PLXDC2: variants seen among roughly 807,000 people sequenced by gnomAD.
The protein encoded by PLXDC2 is plexin domain containing 2.
Under a neutral mutation model 68.9 loss-of-function variants are expected in PLXDC2, and 40 were observed. That is an observed-to-expected ratio of 0.58 (90% CI 0.45 to 0.76). The LOEUF is 0.76. Among genes scored for constraint, PLXDC2 ranks in the 30% least tolerant of loss-of-function variants. PLXDC2 has a pLI of 0.00. For synonymous variants in PLXDC2, 243 were observed against 234.2 expected (o/e 1.04, Z -0.34); for missense variants, 644 against 661.9 (o/e 0.97, Z 0.30).
rs567783600 is a variant in PLXDC2, at chr10:20,143,816, T to C, written c.664+399T>C. 1.3e-4 allele frequency among the ~76,000 whole-genome samples: 20 copies of C among 152,258 alleles called. No homozygotes were observed. The South Asian group carries it at 3.3e-3, about 25-fold the overall frequency. ...ATTGACATTAAATTTCCAAAACTTATGACTTGTATGTATCAATAAGATGAA... is the reference window on the plus strand; with the variant it reads ...ATTGACATTAAATTTCCAAAACTTACGACTTGTATGTATCAATAAGATGAA... On this transcript the variant is annotated intron_variant, in intron 5 of 13. Coordinates refer to ENST00000377252, the MANE Select transcript of PLXDC2 (RefSeq NM_032812.9).
chr10:20,125,932 A>C (rs1833767564), intron 4 of PLXDC2, among the ~76,000 whole-genome samples: 1 of 26,042 alleles, frequency 3.8e-5, no homozygotes, highest in African/African-American at 1.7e-4. Flanking sequence ...AGAGAAATGA[A>C]CATATATATA....
intron 13 of PLXDC2, among the ~76,000 whole-genome samples, chr10:20,245,734 C>G (rs931748177): frequency 2.0e-5 from 3 of 152,186 alleles, no homozygotes; most frequent in African/African-American, 4.8e-5. Flanking sequence ...AAGACATAAA[C>G]TATCTTGTCT....
intron 13 of PLXDC2, among the ~76,000 whole-genome samples, chr10:20,260,109 G>C (rs955487476): frequency 1.3e-5 from 2 of 151,870 alleles, no homozygotes; most frequent in Admixed American, 1.3e-4. Flanking sequence ...TGACATTTTT[G>C]ATATACATAT....
intron 13 of PLXDC2, among the ~76,000 whole-genome samples, chr10:20,265,676 A>G (rs2119372157): frequency 6.6e-6 from 1 of 152,328 alleles, no homozygotes; most frequent in East Asian, 1.9e-4. Flanking sequence ...CATGTAAGTC[A>G]TTAAAAAGAT....
chr10:19,863,670 C>T (rs919375297), intron 1 of PLXDC2, among the ~76,000 whole-genome samples: 1 of 152,154 alleles, frequency 6.6e-6, no homozygotes, highest in African/African-American at 2.4e-5. Flanking sequence ...AATTTCATAT[C>T]ATTTTAATAT....
chr10:19,966,102 A>T (rs1834243607), intron 1 of PLXDC2, among the ~76,000 whole-genome samples: 1 of 151,332 alleles, frequency 6.6e-6, no homozygotes, highest in Admixed American at 6.6e-5. Context: ...TAAAAAACAC[A>T]CAGTAAAGTC....
chr10:19,955,455 A>G lies in PLXDC2; in HGVS notation c.113-46320A>G, dbSNP rs151199393. ...TTCATCACCTTTCTACATGGCACCC[A>G]TATTCTCTAACCAGTGCTATCCAAG... is the stretch of plus-strand genomic sequence containing the variant. On this transcript the variant is annotated intron_variant, in intron 1 of 13. Transcript: ENST00000377252. Among the ~76,000 whole-genome samples, 423 of 152,098 alleles carry G rather than the reference A, an allele frequency of 2.8e-3. 5 individuals are homozygous for G. Among genetic ancestry groups the G allele is most frequent in the South Asian group, 5.2e-3 (25 of 4,814 alleles).
At chr10:20,003,319 G>A (rs776827361) in intron 2 of PLXDC2, among the ~76,000 whole-genome samples, 6 of 152,180 alleles carry the variant, frequency 3.9e-5, no homozygotes, top group Non-Finnish European at 8.8e-5. Context: ...GAGATATAAA[G>A]GCAGCTCAGG....
chr10:19,949,258 C>G (rs1833956996), intron 1 of PLXDC2, among the ~76,000 whole-genome samples: 1 of 151,384 alleles, frequency 6.6e-6, no homozygotes, highest in Admixed American at 6.6e-5. Context: ...ACAAAGCATT[C>G]TACACATCAA....
chr10:19,979,708 G>C (rs901430699), intron 1 of PLXDC2, among the ~76,000 whole-genome samples: 13 of 152,220 alleles, frequency 8.5e-5, no homozygotes, highest in African/African-American at 2.9e-4. Flanking sequence ...GAGTTGTTTG[G>C]GGTTTTGTTT....
At chr10:20,088,345 A>C (rs745741119) in intron 4 of PLXDC2, among the ~76,000 whole-genome samples, 2 of 152,200 alleles carry the variant, frequency 1.3e-5, no homozygotes, top group Non-Finnish European at 2.9e-5. Flanking sequence ...CCTTGCAATT[A>C]AGAGGAAAGC....
intron 12 of PLXDC2, among the ~76,000 whole-genome samples, chr10:20,233,992 T>TC (rs999749533): frequency 4.6e-5 from 7 of 151,030 alleles, no homozygotes; most frequent in African/African-American, 1.7e-4. Flanking sequence ...ACCTACTTTT[T>TC]TTTTTTTTAT....
intron 9 of PLXDC2, among the ~76,000 whole-genome samples, chr10:20,185,871 G>C (rs1415772133): frequency 6.6e-6 from 1 of 151,880 alleles, no homozygotes; most frequent in Non-Finnish European, 1.5e-5. Flanking sequence ...GTTTGGGATA[G>C]GATAAAGTTT....
At chr10:20,143,226 G>C in intron 4 of PLXDC2, 69 bp from the exon 5 acceptor site, 1 of 1,468,210 alleles carries the variant, frequency 6.8e-7, no homozygotes, top group Non-Finnish European at 9.3e-7. Flanking sequence ...AATTGAGTTG[G>C]AAGTATTTTA....
intron 1 of PLXDC2, among the ~76,000 whole-genome samples, chr10:19,874,271 A>G (rs1338537128): frequency 2.6e-5 from 4 of 152,190 alleles, no homozygotes; most frequent in Non-Finnish European, 4.4e-5. Context: ...CATTTGAGAT[A>G]AAGCCTTTTT....
Position 20,162,909 on chromosome 10 carries a change from C to CAAAAAAAAAAAAAAAAAAAAA in PLXDC2, c.784-1558_784-1538dup, listed in dbSNP as rs71390763. 2.0e-5 allele frequency among the ~76,000 whole-genome samples: 2 copies of CAAAAAAAAAAAAAAAAAAAAA among 98,058 alleles called. 1 individual carries two copies. The highest frequency in any genetic ancestry group is 3.8e-5 in the Non-Finnish European group (2 of 51,962). The allele number at this position is 98,058 out of a possible 152,430, so 64.3% of individuals were successfully genotyped here. A position where few individuals can be genotyped will look rare whatever the true frequency, so the allele number is the denominator to read the frequency against. Reference sequence around the variant, plus strand: ...TGAAACCCCATCTCTACTAAAAATACAAAAAAAAAAAAAAAAAAAAATCCA... The same window carrying CAAAAAAAAAAAAAAAAAAAAA: ...TGAAACCCCATCTCTACTAAAAATACAAAAAAAAAAAAAAAAAAAAAAAAAAAAAAAAAAAAAAAAAATCCA... On this transcript the variant is annotated intron_variant, in intron 6 of 13. Transcript: ENST00000377252.
intron 7 of PLXDC2, 142 bp downstream of exon 7, chr10:20,164,709 G>A: frequency 1.4e-6 from 1 of 700,610 alleles, no homozygotes; most frequent in Non-Finnish European, 2.5e-6. Flanking sequence ...TCTGTTGTTT[G>A]CTTTATAACT....
Position 20,215,715 on chromosome 10 carries a change from C to T in PLXDC2, c.1123-1711C>T, listed in dbSNP as rs898336795. ...AAAGGATGGCTATAAGGAAAGGTCC[C>T]CATCCATTATCACAGAAGGAAAGAA... On this transcript the variant is annotated intron_variant, in intron 10 of 13. Coordinates refer to ENST00000377252, the MANE Select transcript of PLXDC2 (RefSeq NM_032812.9). Among the ~76,000 whole-genome samples, 3 of 152,092 alleles carry T rather than the reference C, an allele frequency of 2.0e-5. No individual in the cohort carries two copies. The South Asian group carries it at 6.2e-4, about 32-fold the overall frequency.
At chr10:19,933,048 A>T (rs1175772001) in intron 1 of PLXDC2, among the ~76,000 whole-genome samples, 1 of 152,192 alleles carries the variant, frequency 6.6e-6, no homozygotes, top group Non-Finnish European at 1.5e-5. Flanking sequence ...TCAGTGTCAA[A>T]CAAACAAGCA....
Sources: gnomAD v4.1 joint callset for allele counts (sites outside exome capture counted in the v4.1 genomes callset) on GRCh38, gnomAD v4.1.1 for gene constraint, MANE v1.5 for transcripts, NCBI Gene and HGNC (gene_info 2026-07-23, HGNC 2026-07-21) for gene names.